The following TFDP2 variants were observed in gnomAD, a reference collection of about 807,000 sequenced individuals.
TFDP2 encodes the protein transcription factor Dp-2 (E2F dimerization partner 2).
Under a neutral mutation model 59.3 loss-of-function variants are expected in TFDP2, and 17 were observed. The ratio of observed to expected loss-of-function variants is 0.29; its 90% CI spans 0.20 to 0.43. The LOEUF (loss-of-function observed/expected upper bound fraction) is 0.43. Among genes scored for constraint, TFDP2 ranks in the 20% least tolerant of loss-of-function variants. The pLI, the probability that TFDP2 is intolerant of heterozygous loss-of-function variation, is 1.00. For missense variants in TFDP2, 391 were observed against 528.8 expected, an observed-to-expected ratio of 0.74 and a Z score of 2.56; for synonymous variants, 180 against 194.7, an observed-to-expected ratio of 0.92 and a Z score of 0.63.
intron 3 of TFDP2, among the ~76,000 whole-genome samples, chr3:142,030,001 T>C (rs1946345269): frequency 6.6e-6 from 1 of 152,220 alleles, no homozygotes; most frequent in South Asian, 2.1e-4. Flanking sequence ...AAGTATGTCT[T>C]GACAACAGCT....
At chr3:141,960,182 T>G (rs759726021) in intron 10 of TFDP2, among the ~76,000 whole-genome samples, 1 of 152,210 alleles carries the variant, frequency 6.6e-6, no homozygotes, top group Non-Finnish European at 1.5e-5. Context: ...TCTACTTTAA[T>G]ATTACGATAT....
intron 3 of TFDP2, among the ~76,000 whole-genome samples, chr3:142,058,828 T>C (rs576458625): frequency 5.3e-5 from 8 of 152,294 alleles, no homozygotes; most frequent in African/African-American, 1.9e-4. Context: ...GGTTTCCTTA[T>C]GTAAGCATGA....
intron 2 of TFDP2, among the ~76,000 whole-genome samples, chr3:142,094,583 G>A (rs1358144735): frequency 1.3e-5 from 2 of 152,066 alleles, no homozygotes; most frequent in Non-Finnish European, 2.9e-5. Flanking sequence ...GGGATTACAG[G>A]CATCAGTCAC....
chr3:142,111,886 C>T (rs533578708), intron 1 of TFDP2, among the ~76,000 whole-genome samples: 2 of 152,054 alleles, frequency 1.3e-5, no homozygotes, highest in South Asian at 2.1e-4. Context: ...GACAACATAG[C>T]GAAACCCCAT....
chr3:142,052,805 T>C (rs892231507), intron 3 of TFDP2, among the ~76,000 whole-genome samples: 1 of 151,922 alleles, frequency 6.6e-6, no homozygotes, highest in African/African-American at 2.4e-5. Flanking sequence ...TAGATTTCCC[T>C]TTTCTTTTTT....
At chr3:141,953,647 T>C (rs1454659952) in intron 11 of TFDP2, among the ~76,000 whole-genome samples, 1 of 152,074 alleles carries the variant, frequency 6.6e-6, no homozygotes, top group African/African-American at 2.4e-5. Context: ...TTATTATTAT[T>C]ATACTTTAAG....
chr3:141,993,345 G>A (rs1313354925), intron 6 of TFDP2, among the ~76,000 whole-genome samples, 193 bp downstream of exon 6: 1 of 152,198 alleles, frequency 6.6e-6, no homozygotes, highest in African/African-American at 2.4e-5. Context: ...TGCTCACAGG[G>A]TAATTTCTAC....
At chr3:141,968,394 C>CATATATATAAT (rs1392470153) in intron 9 of TFDP2, among the ~76,000 whole-genome samples, 5 of 88,050 alleles carry the variant, frequency 5.7e-5, no homozygotes, top group African/African-American at 1.8e-4. Context: ...ATATATATAA[C>CATATATATAAT]ATATATATCA....
intron 1 of TFDP2, among the ~76,000 whole-genome samples, chr3:142,128,981 G>A (rs1467147246): frequency 6.6e-6 from 1 of 151,840 alleles, no homozygotes; most frequent in East Asian, 1.9e-4. Context: ...ATCTAGAAAT[G>A]CTGGATAAAT....
At chr3:142,092,365 C>T (rs940015875) in intron 3 of TFDP2, among the ~76,000 whole-genome samples, 1 of 152,082 alleles carries the variant, frequency 6.6e-6, no homozygotes, top group Non-Finnish European at 1.5e-5. Flanking sequence ...CTCATTCTGT[C>T]ACCCAGGCTG....
intron 8 of TFDP2, among the ~76,000 whole-genome samples, chr3:141,970,458 T>C (rs1452920060): frequency 6.6e-6 from 1 of 152,224 alleles, no homozygotes. Context: ...TCACTCTATC[T>C]GCCAACACAA....
At chr3:141,966,556 A>AT (rs1422998146) in intron 9 of TFDP2, among the ~76,000 whole-genome samples, 1 of 151,804 alleles carries the variant, frequency 6.6e-6, no homozygotes, top group Non-Finnish European at 1.5e-5. Flanking sequence ...TAATTCACTT[A>AT]TTTTGAACTG....
chr3:142,026,122 G>C (rs1254277918), intron 3 of TFDP2, among the ~76,000 whole-genome samples: 3 of 152,128 alleles, frequency 2.0e-5, no homozygotes, highest in Admixed American at 6.5e-5. Flanking sequence ...CCATCAGGCC[G>C]AGGTGGGCAG....
intron 3 of TFDP2, among the ~76,000 whole-genome samples, chr3:142,023,057 T>G (rs1263304745): frequency 7.2e-6 from 1 of 138,704 alleles, no homozygotes; most frequent in Non-Finnish European, 1.5e-5. Context: ...GAGGCGGAGG[T>G]TGCAGTAAGC....
In TFDP2 at chr3:141,978,531, C is replaced by T. The variant is rs375360457; in HGVS notation, c.508G>A (p.Ala170Thr). ...SEFTNSNNHL[A>T]ADSAYDQKNI... is the part of the protein sequence containing the mutation. ...CATGATTTACATACCGAATCAGCAGCCAAATGGTTATTTGAATTGGTGAAC... is the reference window on the plus strand; with the variant it reads ...CATGATTTACATACCGAATCAGCAGTCAAATGGTTATTTGAATTGGTGAAC... The change falls in exon 7 of 13, where the codon GCT becomes ACT. Residue 170 changes from alanine to threonine, a missense_variant. By Grantham distance (58) the Ala-to-Thr change is moderately conservative. This residue lies in a region of TFDP2 where 162 missense variants were observed against 206.8 expected (regional missense o/e 0.78). Coordinates refer to ENST00000489671, the MANE Select transcript of TFDP2 (RefSeq NM_001178139.2). 9.7e-5 allele frequency: 156 copies of T among 1,609,006 alleles called. No homozygotes were observed. The highest frequency in any genetic ancestry group is 1.3e-4 in the Non-Finnish European group (156 of 1,178,566).
At chr3:142,077,388 C>G (rs1344236631) in intron 3 of TFDP2, among the ~76,000 whole-genome samples, 1 of 152,126 alleles carries the variant, frequency 6.6e-6, no homozygotes, top group Non-Finnish European at 1.5e-5. Flanking sequence ...ATCCCAACAT[C>G]AGGCTGCACA....
intron 1 of TFDP2, among the ~76,000 whole-genome samples, chr3:142,115,964 A>G (rs886856956): frequency 1.3e-5 from 2 of 152,140 alleles, no homozygotes; most frequent in African/African-American, 2.4e-5. Context: ...ACCAATGTCA[A>G]TTTCCTGATT....
chr3:141,966,022 A>G (rs148509959), intron 9 of TFDP2, among the ~76,000 whole-genome samples: 1 of 151,960 alleles, frequency 6.6e-6, no homozygotes, highest in African/African-American at 2.4e-5. Context: ...TAGTGCCACA[A>G]GAGGACCCTG....
chr3:142,136,146 A>G (rs542479834), intron 1 of TFDP2, among the ~76,000 whole-genome samples: 2 of 152,006 alleles, frequency 1.3e-5, no homozygotes, highest in African/African-American at 4.8e-5. Context: ...CATTTCTCTG[A>G]TGACCAGTGA....
Sources: allele counts gnomAD v4.1 joint callset (sites outside exome capture counted in the v4.1 genomes callset), GRCh38; gene constraint gnomAD v4.1.1; regional missense constraint gnomAD v4.1.1; transcripts MANE v1.5; gene names NCBI Gene and HGNC (gene_info 2026-07-23, HGNC 2026-07-21).